Variants in FYCO1 observed in about 807,000 individuals in gnomAD.
FYCO1 encodes FYVE and coiled-coil domain-containing protein 1.
A neutral mutation model predicts 165.1 loss-of-function variants in FYCO1; 122 were observed. The ratio of observed to expected loss-of-function variants is 0.74; its 90% CI spans 0.64 to 0.86. The LOEUF (loss-of-function observed/expected upper bound fraction) is 0.86, where lower values mean the gene tolerates loss of function less well. FYCO1 is among the 40% of genes least tolerant of loss of function. The pLI is 0.00. For synonymous variants in FYCO1, 648 were observed against 742.5 expected (o/e 0.87, Z 2.07); for missense variants, 1,702 against 1,810.3 (o/e 0.94, Z 1.09).
chr3:45,983,367 G>A (rs1347837243), intron 2 of FYCO1, among the ~76,000 whole-genome samples: 1 of 152,234 alleles, frequency 6.6e-6, no homozygotes, highest in East Asian at 1.9e-4. Flanking sequence ...CTGTAGATTT[G>A]TATGCTTATT....
rs531062624 is a variant in FYCO1 at position 45,966,636 on chromosome 3, G to A, written c.2698C>T (p.Arg900Trp). Residue 900 changes from arginine to tryptophan, a missense_variant, in exon 8 of 18, where the codon CGG (arginine) becomes TGG (tryptophan). Physicochemically the swap from Arg to Trp is moderately radical, Grantham distance 101. Transcript: ENST00000296137. ...EHAELQEQLH[R>W]ANTDTAELGI... ...AGCTCAGCTGTGTCTGTGTTGGCCC[G>A]GTGCAGCTGCTCTTGCAGCTCAGCG... The A allele has an allele frequency of 1.7e-5, 28 of 1,614,104 alleles. No individual in the cohort carries two copies. The highest frequency in any genetic ancestry group is 5.3e-5 in the African/African-American group (4 of 75,054).
At chr3:45,966,144 A>G (rs1705996686) in intron 8 of FYCO1, 133 bp downstream of exon 8, 1 of 868,240 alleles carries the variant, frequency 1.2e-6, no homozygotes, top group Non-Finnish European at 1.9e-6. Flanking sequence ...AAAGGGCCAC[A>G]AGGTGTTTGC....
intron 6 of FYCO1, among the ~76,000 whole-genome samples, chr3:45,972,535 T>A (rs1036450292): frequency 2.3e-4 from 35 of 152,306 alleles, no homozygotes; most frequent in Non-Finnish European, 2.5e-4. Context: ...CTTTGTCAAG[T>A]CCCCTGATCC....
intron 17 of FYCO1, among the ~76,000 whole-genome samples, chr3:45,923,193 G>C (rs1703168335): frequency 6.6e-6 from 1 of 152,254 alleles, no homozygotes; most frequent in African/African-American, 2.4e-5. Flanking sequence ...GCAGTTTTGG[G>C]CTTGCTTATC....
chr3:45,939,192 T>TA (rs1362525699), intron 14 of FYCO1, among the ~76,000 whole-genome samples: 2 of 138,110 alleles, frequency 1.4e-5, no homozygotes, highest in East Asian at 5.3e-4. Context: ...TCAACTTGTC[T>TA]GTCCCTTTGT....
intron 14 of FYCO1, chr3:45,938,293 G>A (rs991754711): frequency 2.8e-5 from 34 of 1,225,668 alleles, no homozygotes; most frequent in Middle Eastern, 2.2e-4. Context: ...GGTGGGTGAT[G>A]CAGTCTCAAA....
chr3:45,964,408 T>C lies in FYCO1; in HGVS notation c.3197A>G (p.His1066Arg), dbSNP rs770252436. The C allele has an allele frequency of 2.0e-5, 33 of 1,614,042 alleles. No homozygotes were observed. Among genetic ancestry groups the C allele is most frequent in the Non-Finnish European group, 2.6e-5 (31 of 1,179,988 alleles). Reference protein sequence around the residue: ...MGEKLSCTSNHLAECQAAMLR... With the variant: ...MGEKLSCTSNRLAECQAAMLR... The stretch of plus-strand genomic sequence containing the variant: ...CATGGCCGCCTGGCACTCTGCAAGA[T>C]GGTTGCTAGTGCAGCTCAGCTTCTC... The change falls in exon 10 of 18, where the codon CAT (histidine) becomes CGT (arginine). Residue 1066 changes from histidine (H) to arginine (R), a missense_variant. By Grantham distance (29) the His-to-Arg change is conservative. Transcript: ENST00000296137. The surrounding 1 kb of genome is among the most constrained non-coding windows in gnomAD (Gnocchi z 4.1).
In FYCO1 at chr3:45,921,655, G is replaced by T; in HGVS notation, c.*110C>A. The T allele has an allele frequency of 1.3e-6, 1 of 789,902 alleles. No homozygotes were observed. The highest frequency in any genetic ancestry group is 2.2e-6 in the Non-Finnish European group (1 of 448,408). 48.9% of individuals were successfully genotyped at this position (789,902 alleles called of 1,614,324 possible). On this transcript the variant is annotated 3_prime_UTR_variant, in exon 18 of 18. Transcript: ENST00000296137. ...ACCGCCTCTGAGGGGCAGCCCAGGG[G>T]CTGAGTTGATGATTTTGGAGCAGCT...
chr3:45,946,393 T>C, intron 14 of FYCO1: 3 of 1,195,854 alleles, frequency 2.5e-6, no homozygotes, highest in South Asian at 2.8e-5. Context: ...ATGTGGTCAA[T>C]GGGATAGCAG....
chr3:45,967,346 AG>A lies in FYCO1; in HGVS notation c.1987del (p.Leu663TrpfsTer22). On this transcript the variant is annotated frameshift_variant, in exon 8 of 18. Coordinates refer to ENST00000296137, the MANE Select transcript of FYCO1 (RefSeq NM_024513.4). LOFTEE classifies it high-confidence loss of function. ...ESAIQGSLAS[L>X]EAEQASIRHL... is the part of the protein sequence containing the mutation. ...CCGGATGCTGGCCTGCTCGGCCTCC[AG>A]GGAGGCCAAGGAGCCCTGGATGGCT... The A allele has an allele frequency of 6.2e-7, 1 of 1,609,070 alleles. No homozygotes were observed. The highest frequency in any genetic ancestry group is 8.5e-7 in the Non-Finnish European group (1 of 1,176,544).
intron 16 of FYCO1, among the ~76,000 whole-genome samples, chr3:45,929,033 C>T (rs1385071050): frequency 6.6e-6 from 1 of 152,260 alleles, no homozygotes; most frequent in Non-Finnish European, 1.5e-5. Flanking sequence ...GTCATTTCCT[C>T]TAAGGCCCAG....
Position 45,973,352 on chromosome 3 carries a change from C to T in FYCO1, c.396-121G>A. On this transcript the variant is annotated intron_variant, in intron 5 of 17. Transcript: ENST00000296137. ...AGGTTACTAAATTAAAAGACACAGG[C>T]ACACAAACCAATTTCATTTTCATGG... is the stretch of plus-strand genomic sequence containing the variant. 3 of 912,070 alleles carry T rather than the reference C, an allele frequency of 3.3e-6. No homozygotes were observed. The South Asian group carries it at 4.2e-5, about 13-fold the overall frequency. 56.5% of individuals were successfully genotyped at this position (912,070 alleles called of 1,614,324 possible).
intron 16 of FYCO1, among the ~76,000 whole-genome samples, chr3:45,930,250 T>G (rs1703525163): frequency 6.6e-6 from 1 of 152,062 alleles, no homozygotes; most frequent in Non-Finnish European, 1.5e-5. Flanking sequence ...GCAAACCATC[T>G]CTCCCTCCCA....
intron 14 of FYCO1, chr3:45,941,310 G>A (rs1277238798): frequency 6.6e-6 from 1 of 152,196 alleles, no homozygotes; most frequent in African/African-American, 2.4e-5. Context: ...AAGGAGAGCA[G>A]GCCAACAGTC....
chr3:45,969,860 G>T, intron 6 of FYCO1, 95 bp from the exon 7 acceptor site: 1 of 934,666 alleles, frequency 1.1e-6, no homozygotes, highest in Non-Finnish European at 1.7e-6. Flanking sequence ...TGGTGGTAGG[G>T]GGCTGCCTTC....
intron 16 of FYCO1, among the ~76,000 whole-genome samples, chr3:45,929,074 G>A (rs1214891627): frequency 6.6e-6 from 1 of 152,240 alleles, no homozygotes; most frequent in Non-Finnish European, 1.5e-5. Flanking sequence ...GGGAGTCCCC[G>A]GGATAGATAT....
At chr3:45,937,499 C>T (rs1703965031) in intron 14 of FYCO1, among the ~76,000 whole-genome samples, 1 of 152,224 alleles carries the variant, frequency 6.6e-6, no homozygotes, top group Non-Finnish European at 1.5e-5. Context: ...GAGCTCTTTC[C>T]TCCTGAGACC....
intron 16 of FYCO1, among the ~76,000 whole-genome samples, chr3:45,928,591 C>T (rs1703434336): frequency 6.6e-6 from 1 of 152,168 alleles, no homozygotes; most frequent in Non-Finnish European, 1.5e-5. Flanking sequence ...ACGGGGCTGG[C>T]CTTCTGCTGT....
chr3:45,933,252 C>T, intron 15 of FYCO1, among the ~76,000 whole-genome samples: 1 of 152,168 alleles, frequency 6.6e-6, no homozygotes, highest in African/African-American at 2.4e-5. Context: ...CAAGGGGTAC[C>T]AACACATTTG....
Sources: allele counts gnomAD v4.1 joint callset (sites outside exome capture counted in the v4.1 genomes callset), GRCh38; gene constraint gnomAD v4.1.1; non-coding constraint Gnocchi (gnomAD v3.1); transcripts MANE v1.5; gene names NCBI Gene and HGNC (gene_info 2026-07-23, HGNC 2026-07-21).